The following ERCC5 variants were observed in gnomAD, a reference collection of about 807,000 sequenced individuals.
The protein encoded by ERCC5 is ERCC excision repair 5, endonuclease, also known as DNA excision repair protein ERCC-5.
Under a neutral mutation model 105.6 loss-of-function variants are expected in ERCC5, and 68 were observed. The ratio of observed to expected loss-of-function variants is 0.64; its 90% CI spans 0.53 to 0.79. The LOEUF is 0.79. Ranked by LOEUF, ERCC5 falls within the 30% of genes least tolerant of loss-of-function variation. The pLI is 0.00. For synonymous variants in ERCC5, 546 were observed against 526.2 expected, an observed-to-expected ratio of 1.04 and a Z score of -0.51; for missense variants, 1,373 against 1,426.7, an observed-to-expected ratio of 0.96 and a Z score of 0.61.
intron 10 of ERCC5, 104 bp from the exon 11 acceptor site, chr13:102,866,528 G>A: frequency 6.3e-7 from 1 of 1,598,882 alleles, no homozygotes; most frequent in Admixed American, 1.7e-5. Flanking sequence ...CCCTAACTCT[G>A]CAGGAATGAA....
intron 5 of ERCC5, among the ~76,000 whole-genome samples, chr13:102,857,167 C>T (rs1055517351): frequency 3.3e-5 from 5 of 151,928 alleles, no homozygotes; most frequent in African/African-American, 1.2e-4. Flanking sequence ...TGGTTTTGTT[C>T]TATCAGGTAG....
At chr13:102,860,974 A>G (rs1328676070) in intron 6 of ERCC5, among the ~76,000 whole-genome samples, 1 of 147,476 alleles carries the variant, frequency 6.8e-6, no homozygotes, top group Non-Finnish European at 1.5e-5. Context: ...TAAATCATAA[A>G]CAGTATTCAT....
chr13:102,871,077 C>G (rs1566472503), intron 12 of ERCC5, among the ~76,000 whole-genome samples: 1 of 152,174 alleles, frequency 6.6e-6, no homozygotes, highest in Non-Finnish European at 1.5e-5. Flanking sequence ...TGTCTCTGTT[C>G]CATGTCGGCT....
intron 1 of ERCC5, among the ~76,000 whole-genome samples, chr13:102,848,326 GTTA>G (rs961152251): frequency 3.3e-5 from 5 of 152,030 alleles, no homozygotes; most frequent in African/African-American, 1.2e-4. Flanking sequence ...AAACTTACCC[GTTA>G]TTATACTAGT....
chr13:102,863,490 T>C (rs2140529239), intron 8 of ERCC5, among the ~76,000 whole-genome samples: 1 of 152,332 alleles, frequency 6.6e-6, no homozygotes, highest in African/African-American at 2.4e-5. Context: ...TTAGAATTTC[T>C]CTTGGTCTCT....
rs1031417172 is a variant in ERCC5 at position 102,858,514 on chromosome 13, G to A, written c.672+96G>A. Reference sequence around the variant, plus strand: ...GAAAATTGATAAGCAATACTTACACGATATCTCAGTTAACAGTAAACAGCA... The same window carrying A: ...GAAAATTGATAAGCAATACTTACACAATATCTCAGTTAACAGTAAACAGCA... On this transcript the variant is annotated intron_variant, in intron 6 of 14. Coordinates refer to ENST00000652225, the MANE Select transcript of ERCC5 (RefSeq NM_000123.4). 2.2e-5 allele frequency: 33 copies of A among 1,533,196 alleles called. No homozygotes were observed. In the Admixed American group the frequency reaches 4.4e-4, roughly 21 times the overall value. The allele number at this position is 1,533,196 out of a possible 1,614,324, so 95.0% of individuals were successfully genotyped here.
intron 5 of ERCC5, 67 bp downstream of exon 5, chr13:102,856,179 A>G: frequency 6.6e-7 from 1 of 1,508,890 alleles, no homozygotes; most frequent in Non-Finnish European, 9.2e-7. Context: ...GAAAATGAAT[A>G]TTAATGAGGT....
Position 102,858,304 on chromosome 13 carries a change from A to G in ERCC5, c.558A>G (p.Ile186Met). The change falls in exon 6 of 15, where the codon ATA (isoleucine) becomes ATG (methionine). Residue 186 changes from isoleucine to methionine, a missense_variant. Around this residue, in one of 3 missense-constraint regions of ERCC5, gnomAD observed 1,004 missense variants for 1,059.7 expected, o/e 0.95. Coordinates refer to ENST00000652225, the MANE Select transcript of ERCC5 (RefSeq NM_000123.4). ...QEEFFHNPQA[I>M]DIESEDFSSL... ...AGTTCTTTCATAATCCTCAAGCGAT[A>G]GATATTGAGTCTGAGGACTTCAGCA... 6.2e-7 allele frequency: 1 copy of G among 1,614,168 alleles called. No homozygotes were observed. The highest frequency in any genetic ancestry group is 1.7e-5 in the Admixed American group (1 of 60,026).
intron 2 of ERCC5, among the ~76,000 whole-genome samples, chr13:102,853,487 A>T (rs1211524184): frequency 6.6e-6 from 1 of 152,244 alleles, no homozygotes; most frequent in Non-Finnish European, 1.5e-5. Flanking sequence ...CTTCTTGGGC[A>T]TATTAAAAGA....
chr13:102,858,366 A>G lies in ERCC5; in HGVS notation c.620A>G (p.Asp207Gly), dbSNP rs1431688203. ...PPEVKHEILT[D>G]MKEFTKRRRT... ...GAAGTAAAGCATGAAATCTTGACTG[A>G]TATGAAAGAGTTCACCAAGCGCAGA... Residue 207 changes from aspartate (D) to glycine (G), a missense_variant, in exon 6 of 15, where the codon GAT (aspartate) becomes GGT (glycine). By Grantham distance (94) the Asp-to-Gly change is moderately conservative (BLOSUM62 -1). Around this residue, in one of 3 missense-constraint regions of ERCC5, gnomAD observed 1,004 missense variants for 1,059.7 expected, o/e 0.95. Coordinates refer to ENST00000652225, the MANE Select transcript of ERCC5 (RefSeq NM_000123.4). The G allele has an allele frequency of 6.2e-7, 1 of 1,614,058 alleles. No individual in the cohort carries two copies.
chr13:102,869,370 T>C (rs1485375778), intron 12 of ERCC5, among the ~76,000 whole-genome samples: 4 of 152,174 alleles, frequency 2.6e-5, no homozygotes, highest in Non-Finnish European at 1.5e-5. Context: ...ATTATACAAA[T>C]AAAGTAAATA....
intron 12 of ERCC5, among the ~76,000 whole-genome samples, chr13:102,869,916 G>A (rs572055113): frequency 1.3e-5 from 2 of 152,146 alleles, no homozygotes; most frequent in Non-Finnish European, 2.9e-5. Flanking sequence ...GTTTTTGCTC[G>A]TTTGTTGCCT....
At chr13:102,866,566 T>A in intron 10 of ERCC5, 66 bp from the exon 11 acceptor site, 2 of 1,600,004 alleles carry the variant, frequency 1.3e-6, no homozygotes, top group African/African-American at 1.3e-5. Flanking sequence ...TAGGCACTGC[T>A]CCCCCTGTGC....
At chr13:102,867,324 A>G (rs1336711884) in intron 11 of ERCC5, among the ~76,000 whole-genome samples, 1 of 152,242 alleles carries the variant, frequency 6.6e-6, no homozygotes, top group Non-Finnish European at 1.5e-5. Context: ...GTAAGTGCCA[A>G]ATAGAAAAAT....
chr13:102,871,373 C>T (rs1003560263), intron 12 of ERCC5, among the ~76,000 whole-genome samples: 5 of 151,952 alleles, frequency 3.3e-5, no homozygotes, highest in South Asian at 2.1e-4. Flanking sequence ...TTTATCCGGC[C>T]GATTTAGGCT....
rs868615072 is a variant in ERCC5, at chr13:102,855,971, C to T, written c.468-81C>T. 5.6e-5 allele frequency: 78 copies of T among 1,398,038 alleles called. No individual in the cohort carries two copies. The Middle Eastern group carries it at 3.9e-3, about 70-fold the overall frequency. The allele number at this position is 1,398,038 out of a possible 1,614,324, so 86.6% of individuals were successfully genotyped here. On this transcript the variant is annotated intron_variant, in intron 4 of 14. Coordinates refer to ENST00000652225, the MANE Select transcript of ERCC5 (RefSeq NM_000123.4). The stretch of plus-strand genomic sequence containing the variant: ...TTATTCACCACTGTAGCCCGTATAA[C>T]GAGCAGAGCCTTGCATACAAGTATT...
At chr13:102,848,985 A>C (rs755530058) in intron 1 of ERCC5, 10 of 365,160 alleles carry the variant, frequency 2.7e-5, no homozygotes, top group Middle Eastern at 4.8e-4. Context: ...TTCATATCCT[A>C]TTCTAATGGA....
intron 9 of ERCC5, 154 bp downstream of exon 9, chr13:102,866,065 G>A: frequency 2.7e-6 from 4 of 1,501,994 alleles, no homozygotes; most frequent in Non-Finnish European, 3.7e-6. Flanking sequence ...TTACTGGCTG[G>A]GATAGACTCC....
chr13:102,858,760 C>A, intron 6 of ERCC5: 1 of 400,446 alleles, frequency 2.5e-6, no homozygotes, highest in Non-Finnish European at 4.8e-6. Flanking sequence ...GTATTTTTCA[C>A]ATGGTATGTG....
Sources: allele counts gnomAD v4.1 joint callset (sites outside exome capture counted in the v4.1 genomes callset), GRCh38; gene constraint gnomAD v4.1.1; regional missense constraint gnomAD v4.1.1; transcripts MANE v1.5; gene names NCBI Gene and HGNC (gene_info 2026-07-23, HGNC 2026-07-21).